Variants in P2RY8 observed in about 807,000 individuals in gnomAD.
P2RY8 encodes P2Y receptor family member 8, also known as S-geranylgeranyl-glutathione receptor P2RY8.
In P2RY8, 6 loss-of-function variants were observed where a neutral mutation model predicts 10.0. That is an observed-to-expected ratio of 0.60 (90% CI 0.33 to 1.19). The LOEUF (loss-of-function observed/expected upper bound fraction) is 1.19. Ranked by LOEUF, P2RY8 falls within the 50% of genes most tolerant of loss-of-function variation. P2RY8 has a pLI of 0.04. For synonymous variants in P2RY8, 276 were observed against 252.5 expected (o/e 1.09, Z -0.88); for missense variants, 456 against 542.0 (o/e 0.84, Z 1.58).
chrX:1,466,182 A>C lies in P2RY8; in HGVS notation c.377T>G (p.Leu126Arg), dbSNP rs2091673336. 2 of 1,612,436 alleles carry C rather than the reference A, an allele frequency of 1.2e-6. No individual in the cohort carries two copies. ...CISVERFLGV[L>R]YPLSSKRWRR... ...CCAGCGCTTGGAGCTGAGCGGGTAC[A>C]GGACCCCCAGGAAGCGCTCCACGCT... Residue 126 changes from leucine to arginine, a missense_variant, in exon 2 of 2, where the codon CTG becomes CGG. By Grantham distance (102) the Leu-to-Arg change is moderately radical. Transcript: ENST00000381297.
intron 1 of P2RY8, among the ~76,000 whole-genome samples, chrX:1,513,678 A>G (rs2092317037): frequency 6.6e-6 from 1 of 151,968 alleles, no homozygotes; most frequent in East Asian, 1.9e-4. Flanking sequence ...GACTCTGAGC[A>G]TTAGGATATG....
chrX:1,470,472 T>A (rs2091770708), intron 1 of P2RY8, among the ~76,000 whole-genome samples: 1 of 151,010 alleles, frequency 6.6e-6, no homozygotes, highest in Non-Finnish European at 1.5e-5. Flanking sequence ...TGAGCCGAGA[T>A]CACACCATTG....
intron 1 of P2RY8, among the ~76,000 whole-genome samples, chrX:1,505,786 T>C (rs1291744020): frequency 2.6e-5 from 4 of 151,986 alleles, no homozygotes; most frequent in Non-Finnish European, 5.9e-5. Context: ...CAAGACTGCG[T>C]CTCAAAAACA....
At chrX:1,470,457 T>G (rs2091770429) in intron 1 of P2RY8, among the ~76,000 whole-genome samples, 1 of 151,032 alleles carries the variant, frequency 6.6e-6, no homozygotes. Context: ...GGGCAGAGGT[T>G]GCAGTGAGCC....
At chrX:1,521,851 C>A (rs1327406763) in intron 1 of P2RY8, among the ~76,000 whole-genome samples, 1 of 151,164 alleles carries the variant, frequency 6.6e-6, no homozygotes, top group African/African-American at 2.4e-5. Flanking sequence ...AAAAGGGTCC[C>A]GCGAAGAGTG....
At chrX:1,499,227 A>C (rs2092151358) in intron 1 of P2RY8, among the ~76,000 whole-genome samples, 1 of 142,538 alleles carries the variant, frequency 7.0e-6, no homozygotes, top group Non-Finnish European at 1.5e-5. Flanking sequence ...CAATGGCACG[A>C]TCTCGGTTCA....
intron 1 of P2RY8, among the ~76,000 whole-genome samples, chrX:1,513,345 T>C (rs1427509472): frequency 6.6e-5 from 10 of 152,118 alleles, no homozygotes; most frequent in African/African-American, 1.9e-4. Context: ...CCGTGAAGAT[T>C]ATTACAATTC....
intron 1 of P2RY8, among the ~76,000 whole-genome samples, chrX:1,473,133 G>GTGAA (rs2091815701): frequency 7.7e-6 from 1 of 129,510 alleles, no homozygotes; most frequent in African/African-American, 3.0e-5. Context: ...AGATGGATGG[G>GTGAA]TGGATGGATG....
chrX:1,468,245 G>T (rs2091719834), intron 1 of P2RY8, among the ~76,000 whole-genome samples: 1 of 152,226 alleles, frequency 6.6e-6, no homozygotes, highest in African/African-American at 2.4e-5. Flanking sequence ...GCTGGAATTT[G>T]TTGCTTTAAC....
chrX:1,520,320 T>C (rs1412111113), intron 1 of P2RY8, among the ~76,000 whole-genome samples: 1 of 151,456 alleles, frequency 6.6e-6, no homozygotes, highest in Non-Finnish European at 1.5e-5. Context: ...ATATTGTCTC[T>C]AGTCCTCAAT....
At chrX:1,475,791 A>G (rs1424873693) in intron 1 of P2RY8, among the ~76,000 whole-genome samples, 1 of 152,216 alleles carries the variant, frequency 6.6e-6, no homozygotes, top group Non-Finnish European at 1.5e-5. Context: ...CAATAACAAC[A>G]ACAACATGTA....
At chrX:1,530,618 GTATC>G (rs1431854102) in intron 1 of P2RY8, among the ~76,000 whole-genome samples, 11 of 150,398 alleles carry the variant, frequency 7.3e-5, no homozygotes, top group Non-Finnish European at 1.3e-4. Context: ...ATGTATGTGT[GTATC>G]TATCTATCCT....
At chrX:1,508,727 T>C (rs2092259052) in intron 1 of P2RY8, among the ~76,000 whole-genome samples, 2 of 143,332 alleles carry the variant, frequency 1.4e-5, no homozygotes, top group Non-Finnish European at 3.1e-5. Context: ...TCTATCTATC[T>C]ATCTATCTAT....
At chrX:1,468,750 TCC>T (rs1363351865) in intron 1 of P2RY8, among the ~76,000 whole-genome samples, 5 of 442 alleles carry the variant, frequency 0.011, no homozygotes, top group African/African-American at 0.043. Flanking sequence ...CTCTCCTCTC[TCC>T]CCTCTCCCCT....
At chrX:1,524,616 T>C (rs2092422283) in intron 1 of P2RY8, among the ~76,000 whole-genome samples, 1 of 139,712 alleles carries the variant, frequency 7.2e-6, no homozygotes, top group East Asian at 2.4e-4. Context: ...TATCCATCCA[T>C]CCATCCATTC....
intron 1 of P2RY8, among the ~76,000 whole-genome samples, chrX:1,498,234 G>A (rs1353575046): frequency 1.3e-5 from 2 of 151,474 alleles, no homozygotes; most frequent in Non-Finnish European, 1.5e-5. Flanking sequence ...CTGAAACCCC[G>A]TCTCTACTGA....
chrX:1,508,480 G>A lies in P2RY8; in HGVS notation c.-25+28441C>T, dbSNP rs149011975. Among the ~76,000 whole-genome samples the A allele has an allele frequency of 4.0e-3, 605 of 152,092 alleles. 5 individuals are homozygous for A. Among genetic ancestry groups the A allele is most frequent in the East Asian group, 6.9e-3 (36 of 5,182 alleles). ...CTGAGGCTGAGAAACTCCACATATCGGTTATCCCCACATGAGAGACTCCTT... is the reference window on the plus strand; with the variant it reads ...CTGAGGCTGAGAAACTCCACATATCAGTTATCCCCACATGAGAGACTCCTT... On this transcript the variant is annotated intron_variant, in intron 1 of 1. Coordinates refer to ENST00000381297, the MANE Select transcript of P2RY8 (RefSeq NM_178129.5).
At chrX:1,521,859 G>C (rs1286873883) in intron 1 of P2RY8, among the ~76,000 whole-genome samples, 3 of 148,748 alleles carry the variant, frequency 2.0e-5, no homozygotes, top group African/African-American at 7.4e-5. Context: ...CCCGCGAAGA[G>C]TGTTTATAGC....
intron 1 of P2RY8, among the ~76,000 whole-genome samples, chrX:1,486,951 C>G (rs1225538439): frequency 6.6e-6 from 1 of 152,238 alleles, no homozygotes; most frequent in African/African-American, 2.4e-5. Flanking sequence ...CTCCCCGGGA[C>G]AGGGCAGCCC....
Sources: gnomAD v4.1 joint callset for allele counts (sites outside exome capture counted in the v4.1 genomes callset) on GRCh38, gnomAD v4.1.1 for gene constraint, MANE v1.5 for transcripts, NCBI Gene and HGNC (gene_info 2026-07-23, HGNC 2026-07-21) for gene names.